The following AARS1 variants were observed in gnomAD, a reference collection of about 807,000 sequenced individuals.
AARS1 encodes alanyl-tRNA synthetase 1, also known as alanine--tRNA ligase, cytoplasmic.
A neutral mutation model predicts 108.9 loss-of-function variants in AARS1; 72 were observed. The ratio of observed to expected loss-of-function variants is 0.66; its 90% CI spans 0.55 to 0.80. The LOEUF (loss-of-function observed/expected upper bound fraction) is 0.80, where lower values mean the gene tolerates loss of function less well. AARS1 is among the 30% of genes least tolerant of loss of function. AARS1 has a pLI of 0.00. For missense variants in AARS1, 1,193 were observed against 1,233.2 expected (o/e 0.97, Z 0.49); for synonymous variants, 489 against 465.7 (o/e 1.05, Z -0.64).
At chr16:70,258,943 G>A in intron 14 of AARS1, 37 bp downstream of exon 14, 1 of 1,590,378 alleles carries the variant, frequency 6.3e-7, no homozygotes, top group Non-Finnish European at 8.6e-7. Flanking sequence ...CAGTGACGGT[G>A]TGGGGAGGGG....
At chr16:70,269,488 C>T in intron 7 of AARS1, 130 bp downstream of exon 7, 1 of 1,353,496 alleles carries the variant, frequency 7.4e-7, no homozygotes, top group Non-Finnish European at 1.0e-6. Flanking sequence ...GAGGCAAGAT[C>T]ACGCCATTGT....
At position 70,265,604 on chromosome 16, in the gene AARS1, C is replaced by T. The variant is rs767432826; in HGVS notation, c.1281G>A (p.Leu427=). The change falls in exon 10 of 21, where the codon CTG becomes CTA. Residue 427 remains leucine (L), a synonymous_variant. Transcript: ENST00000261772. ...CCACCAGGCCCTTCTCTTCAGCAAT[C>T]AGTCCAGTCAGATCCACTGGAAACC... The part of the protein sequence containing the change: ...TYGFPVDLTG[L]IAEEKGLVVD... 1 of 1,614,004 alleles carries T rather than the reference C, an allele frequency of 6.2e-7. No individual in the cohort carries two copies. The highest frequency in any genetic ancestry group is 8.5e-7 in the Non-Finnish European group (1 of 1,179,938).
intron 9 of AARS1, among the ~76,000 whole-genome samples, chr16:70,267,384 C>A (rs540135244): frequency 4.6e-5 from 7 of 152,270 alleles, no homozygotes; most frequent in African/African-American, 1.7e-4. Flanking sequence ...CTACACCAAA[C>A]CATTAAGAGT....
intron 16 of AARS1, 116 bp from the exon 17 acceptor site, chr16:70,254,850 C>T: frequency 1.4e-6 from 1 of 711,630 alleles, no homozygotes; most frequent in Non-Finnish European, 2.5e-6. Context: ...TACCCCAACA[C>T]CCCAAAAGTG....
At chr16:70,270,096 G>C in intron 6 of AARS1, 100 bp downstream of exon 6, 1 of 1,451,996 alleles carries the variant, frequency 6.9e-7, no homozygotes. Context: ...GGTACCCTTG[G>C]CTGGCAAAGC....
At position 70,262,471 on chromosome 16, in the gene AARS1, C is replaced by T. The variant is rs143844046; in HGVS notation, c.1546G>A (p.Val516Met). The change falls in exon 12 of 21, where the codon GTG becomes ATG. Residue 516 changes from valine to methionine, a missense_variant. Transcript: ENST00000261772. ...VMALRREKMF[V>M]EEVSTGQECG... ...TCCTGGCCTGTGGACACCTCTTCCACGAACATCTTCTCCCTGCGCAGAGCC... is the reference window on the plus strand; with the variant it reads ...TCCTGGCCTGTGGACACCTCTTCCATGAACATCTTCTCCCTGCGCAGAGCC... The T allele has an allele frequency of 3.0e-5, 49 of 1,614,064 alleles. No homozygotes were observed. The highest frequency in any genetic ancestry group is 7.7e-5 in the South Asian group (7 of 91,086).
At chr16:70,282,386 A>G (rs1274480380) in intron 2 of AARS1, among the ~76,000 whole-genome samples, 1 of 152,130 alleles carries the variant, frequency 6.6e-6, no homozygotes, top group East Asian at 1.9e-4. Context: ...TATGTGCGAA[A>G]TACCGTGCTA....
At chr16:70,287,450 C>T (rs1488744789) in intron 1 of AARS1, among the ~76,000 whole-genome samples, 2 of 149,532 alleles carry the variant, frequency 1.3e-5, no homozygotes, top group African/African-American at 2.5e-5. Flanking sequence ...AGGCAGGTCT[C>T]GCTCTGTCAC....
intron 2 of AARS1, among the ~76,000 whole-genome samples, chr16:70,281,913 A>G (rs1960705231): frequency 6.6e-6 from 1 of 151,960 alleles, no homozygotes; most frequent in African/African-American, 2.4e-5. Flanking sequence ...GCGCTTTGAG[A>G]GGCCGAGGCG....
At chr16:70,258,918 A>T (rs1597435711) in intron 14 of AARS1, 62 bp downstream of exon 14, 1 of 1,540,044 alleles carries the variant, frequency 6.5e-7, no homozygotes, top group Non-Finnish European at 9.0e-7. Flanking sequence ...CCGCACTGCT[A>T]AGACTGTGGA....
Position 70,258,091 on chromosome 16 carries a change from G to A in AARS1, c.2119C>T (p.Leu707=), listed in dbSNP as rs1597435214. 2.5e-6 allele frequency: 4 copies of A among 1,613,992 alleles called. No individual in the cohort carries two copies. The highest frequency in any genetic ancestry group is 1.7e-5 in the Admixed American group (1 of 59,992). The change falls in exon 15 of 21, where the codon CTG becomes TTG. Residue 707 remains leucine (L), a synonymous_variant. Transcript: ENST00000261772. The part of the protein sequence containing the change: ...VSIGVPVSEL[L]DDPSGPAGSL... ...CCAGCAGGCCCAGAGGGGTCATCCA[G>A]CAACTCGGACACCGGGACCCCAATG...
At position 70,282,510 on chromosome 16, in the gene AARS1, C is replaced by T. The variant is rs907230986; in HGVS notation, c.144+110G>A. The T allele has an allele frequency of 5.1e-6, 7 of 1,359,256 alleles. No homozygotes were observed. The Admixed American group carries it at 1.0e-4, about 20-fold the overall frequency. The allele number at this position is 1,359,256 out of a possible 1,614,324, so 84.2% of individuals were successfully genotyped here. On this transcript the variant is annotated intron_variant, in intron 2 of 20. Transcript: ENST00000261772. Reference sequence around the variant, plus strand: ...CATCACATAAAGTTTCACAAGATCACACAGGGAGTGACAGAACCAGAATCG... The same window carrying T: ...CATCACATAAAGTTTCACAAGATCATACAGGGAGTGACAGAACCAGAATCG...
intron 12 of AARS1, among the ~76,000 whole-genome samples, chr16:70,262,034 C>G (rs1316237581): frequency 6.6e-6 from 1 of 152,182 alleles, no homozygotes; most frequent in Non-Finnish European, 1.5e-5. Context: ...GTAACTCATT[C>G]AGCAGCGGCA....
intron 4 of AARS1, 166 bp downstream of exon 4, chr16:70,276,320 C>T (rs368622875): frequency 5.5e-6 from 4 of 724,976 alleles, no homozygotes; most frequent in Admixed American, 2.1e-5. Context: ...CTGCAACCTC[C>T]ACCTCCTGGG....
chr16:70,279,675 A>C (rs973882375), intron 2 of AARS1, among the ~76,000 whole-genome samples: 5 of 134,352 alleles, frequency 3.7e-5, no homozygotes, highest in African/African-American at 1.3e-4. Context: ...AAAAACAAAA[A>C]AAAAAAAAAA....
chr16:70,254,835 C>T, intron 16 of AARS1, 101 bp from the exon 17 acceptor site: 1 of 744,340 alleles, frequency 1.3e-6, no homozygotes, highest in Non-Finnish European at 2.4e-6. Flanking sequence ...GGCCTTGCAG[C>T]AACATACCCC....
chr16:70,270,126 G>T, intron 6 of AARS1, 70 bp downstream of exon 6: 1 of 1,581,402 alleles, frequency 6.3e-7, no homozygotes, highest in Non-Finnish European at 8.7e-7. Flanking sequence ...TTTTTTCTTT[G>T]ACAGCACTGT....
At chr16:70,262,998 A>AC (rs1567604915) in intron 11 of AARS1, among the ~76,000 whole-genome samples, 1 of 130,776 alleles carries the variant, frequency 7.6e-6, no homozygotes, top group Admixed American at 7.7e-5. Context: ...AAAAAAAAAA[A>AC]CAACAACAAC....
intron 4 of AARS1, 105 bp downstream of exon 4, chr16:70,276,381 C>T (rs1445456254): frequency 7.5e-7 from 1 of 1,334,422 alleles, no homozygotes; most frequent in Non-Finnish European, 1.1e-6. Flanking sequence ...TCAAAAGGAA[C>T]CCTGAGATGC....
Sources: allele counts gnomAD v4.1 joint callset (sites outside exome capture counted in the v4.1 genomes callset), GRCh38; gene constraint gnomAD v4.1.1; transcripts MANE v1.5; gene names NCBI Gene and HGNC (gene_info 2026-07-23, HGNC 2026-07-21).